TASP1: variants seen among roughly 807,000 people sequenced by gnomAD.
The protein encoded by TASP1 is taspase 1, also known as threonine aspartase 1.
Under a neutral mutation model 56.6 loss-of-function variants are expected in TASP1, and 16 were observed. The ratio of observed to expected loss-of-function variants is 0.28; its 90% confidence interval spans 0.19 to 0.43. The LOEUF is 0.43. TASP1 is among the 20% of genes least tolerant of loss of function. The probability of loss-of-function intolerance (pLI) is 1.00; values close to 1 mark genes in which losing one functional copy is unlikely to be tolerated. For synonymous variants in TASP1, 179 were observed against 184.2 expected, an observed-to-expected ratio of 0.97 and a Z score of 0.23; for missense variants, 393 against 511.6, an observed-to-expected ratio of 0.77 and a Z score of 2.24.
chr20:13,212,228 C>T, the TASP1 span, among the ~76,000 whole-genome samples: 2,131 of 152,250 alleles, frequency 0.014, 24 homozygotes, highest in Non-Finnish European at 0.02. Context: ...TATACTTTTT[C>T]TCTCTTCACT....
At chr20:13,591,769 T>C (rs1028909976) in intron 4 of TASP1, among the ~76,000 whole-genome samples, 6 of 152,134 alleles carry the variant, frequency 3.9e-5, no homozygotes, top group African/African-American at 1.4e-4. Context: ...TTATAACATA[T>C]ACAGGTGCAA....
the TASP1 span, among the ~76,000 whole-genome samples, chr20:13,290,326 T>C: frequency 1.3e-5 from 2 of 151,878 alleles, no homozygotes; most frequent in South Asian, 2.1e-4. Flanking sequence ...TAAACGAAAA[T>C]AATGATGAAG....
chr20:13,567,697 AGAT>A (rs1487064994), intron 7 of TASP1, among the ~76,000 whole-genome samples: 4 of 152,198 alleles, frequency 2.6e-5, no homozygotes, highest in African/African-American at 9.7e-5. Context: ...ACTGGAAACC[AGAT>A]GATAAGAGAA....
Position 13,563,505 on chromosome 20 carries a change from A to G in TASP1, c.569-4391T>C, listed in dbSNP as rs528787761. ...TACCCCTTATGAACGTTGATGCAAA[A>G]TTCCTCAACAAAATACTGCCAAACC... On this transcript the variant is annotated intron_variant, in intron 7 of 13. Coordinates refer to ENST00000337743, the MANE Select transcript of TASP1 (RefSeq NM_017714.3). Among the ~76,000 whole-genome samples, 10 of 152,272 alleles carry G rather than the reference A, an allele frequency of 6.6e-5. No individual in the cohort carries two copies. In the South Asian group the frequency reaches 1.0e-3, roughly 16 times the overall value.
the TASP1 span, among the ~76,000 whole-genome samples, chr20:13,209,414 T>A: frequency 6.6e-6 from 1 of 152,154 alleles, no homozygotes; most frequent in Admixed American, 6.6e-5. Flanking sequence ...GAAAACATAA[T>A]GCAATTGTTT....
the TASP1 span, among the ~76,000 whole-genome samples, chr20:13,246,296 G>A: frequency 6.6e-6 from 1 of 150,536 alleles, no homozygotes; most frequent in East Asian, 1.9e-4. Flanking sequence ...AAGCTTTTCT[G>A]TGAACTGTCG....
chr20:13,411,552 T>C (rs2042094277), intron 13 of TASP1, among the ~76,000 whole-genome samples: 1 of 152,188 alleles, frequency 6.6e-6, no homozygotes, highest in African/African-American at 2.4e-5. Flanking sequence ...GTAAATGGTG[T>C]TGCCTTCTTG....
At chr20:13,533,446 AG>A (rs1405327505) in intron 9 of TASP1, among the ~76,000 whole-genome samples, 1 of 152,206 alleles carries the variant, frequency 6.6e-6, no homozygotes, top group Non-Finnish European at 1.5e-5. Flanking sequence ...AAGATGTGCA[AG>A]TGAACTGGGG....
chr20:13,462,482 T>G (rs987600712), intron 11 of TASP1, among the ~76,000 whole-genome samples: 1 of 152,172 alleles, frequency 6.6e-6, no homozygotes, highest in African/African-American at 2.4e-5. Flanking sequence ...CATGAACCCT[T>G]TTTTCCTAAG....
intron 6 of TASP1, among the ~76,000 whole-genome samples, chr20:13,577,659 T>C (rs2046971514): frequency 6.6e-6 from 1 of 152,092 alleles, no homozygotes; most frequent in Non-Finnish European, 1.5e-5. Flanking sequence ...AAGGACACAG[T>C]GAGAAGGCAA....
chr20:13,578,269 C>T (rs1333211550), intron 6 of TASP1, among the ~76,000 whole-genome samples: 1 of 150,774 alleles, frequency 6.6e-6, no homozygotes, highest in Non-Finnish European at 1.5e-5. Flanking sequence ...GTATTTATAT[C>T]TCATTAATAT....
chr20:13,569,405 T>C, intron 7 of TASP1, 102 bp downstream of exon 7: 1 of 831,892 alleles, frequency 1.2e-6, no homozygotes, highest in Middle Eastern at 3.7e-4. Flanking sequence ...CATATAAGTA[T>C]TCTTCCATAA....
intron 10 of TASP1, among the ~76,000 whole-genome samples, chr20:13,488,414 G>T (rs900008296): frequency 4.6e-5 from 7 of 152,014 alleles, no homozygotes; most frequent in African/African-American, 9.7e-5. Context: ...TCTTAAAGAT[G>T]CTATGGCAAA....
the TASP1 span, among the ~76,000 whole-genome samples, chr20:13,338,034 T>C: frequency 6.6e-6 from 1 of 152,134 alleles, no homozygotes; most frequent in Non-Finnish European, 1.5e-5. Flanking sequence ...GGCAAGTACA[T>C]AAAGTGAGAG....
chr20:13,609,264 G>A (rs1049380346), intron 4 of TASP1, among the ~76,000 whole-genome samples: 1 of 152,116 alleles, frequency 6.6e-6, no homozygotes, highest in African/African-American at 2.4e-5. Flanking sequence ...CACAAGGACA[G>A]TTATGACGAC....
the TASP1 span, among the ~76,000 whole-genome samples, chr20:13,322,433 C>T: frequency 6.6e-6 from 1 of 152,244 alleles, no homozygotes; most frequent in Admixed American, 6.5e-5. Context: ...AACTCGCTTG[C>T]TTCATAGCAT....
At chr20:13,307,962 G>A in the TASP1 span, among the ~76,000 whole-genome samples, 3 of 152,178 alleles carry the variant, frequency 2.0e-5, no homozygotes, top group African/African-American at 7.2e-5. Flanking sequence ...AGGTCATAGG[G>A]CATGCACAGC....
chr20:13,154,168 C>T, the TASP1 span: 26 of 1,612,492 alleles, frequency 1.6e-5, no homozygotes, highest in East Asian at 5.6e-4. Context: ...CATAATCACA[C>T]CTAAACCCCA....
chr20:13,333,654 G>A, the TASP1 span, among the ~76,000 whole-genome samples: 1 of 152,166 alleles, frequency 6.6e-6, no homozygotes, highest in Non-Finnish European at 1.5e-5. Context: ...TTGTTCATGT[G>A]AAAAATAATG....
Sources: gnomAD v4.1 joint callset for allele counts (sites outside exome capture counted in the v4.1 genomes callset) on GRCh38, gnomAD v4.1.1 for gene constraint, MANE v1.5 for transcripts, NCBI Gene and HGNC (gene_info 2026-07-23, HGNC 2026-07-21) for gene names.